POLR2B: variants seen among roughly 807,000 people sequenced by gnomAD.
The protein encoded by POLR2B is RNA polymerase II subunit B, also known as DNA-directed RNA polymerase II subunit RPB2.
A neutral mutation model predicts 144.6 loss-of-function variants in POLR2B; 57 were observed. The observed-to-expected ratio is 0.39, with a 90% CI of 0.32 to 0.49. POLR2B has a LOEUF of 0.49. Ranked by LOEUF, POLR2B falls within the 20% of genes least tolerant of loss-of-function variation. The pLI is 0.83. For synonymous variants in POLR2B, 442 were observed against 469.8 expected, an observed-to-expected ratio of 0.94 and a Z score of 0.77; for missense variants, 595 against 1,467.4, an observed-to-expected ratio of 0.41 and a Z score of 9.71.
intron 1 of POLR2B, among the ~76,000 whole-genome samples, chr4:56,984,940 G>A (rs1470987566): frequency 2.0e-5 from 3 of 152,056 alleles, no homozygotes; most frequent in Non-Finnish European, 2.9e-5. Flanking sequence ...AAATTATTTT[G>A]TTATGTTCAT....
chr4:57,011,300 C>T (rs932757053), intron 13 of POLR2B, among the ~76,000 whole-genome samples, 200 bp downstream of exon 13: 2 of 152,002 alleles, frequency 1.3e-5, no homozygotes, highest in African/African-American at 2.4e-5. Context: ...GAGGCCGAGG[C>T]GCAGATCACC....
intron 1 of POLR2B, among the ~76,000 whole-genome samples, chr4:56,983,952 C>T (rs543155511): frequency 4.6e-5 from 7 of 151,860 alleles, no homozygotes; most frequent in African/African-American, 9.7e-5. Flanking sequence ...GCAACCTCCA[C>T]CTTCTGGGTT....
chr4:57,024,269 T>G (rs1723642301), intron 21 of POLR2B, among the ~76,000 whole-genome samples, 157 bp downstream of exon 21: 2 of 152,230 alleles, frequency 1.3e-5, no homozygotes, highest in African/African-American at 4.8e-5. Flanking sequence ...TGCCATTTTT[T>G]TTGGCAATTT....
Position 56,994,761 on chromosome 4 carries a change from G to T in POLR2B, c.471G>T (p.Arg157=), listed in dbSNP as rs757867254. ...TAGGAAAAATTCCAATTATGTTGCG[G>T]TCAACTTACTGCCTTTTGAATGGCT... ...TFIGKIPIML[R]STYCLLNGLT... is the part of the protein sequence containing the mutation. Residue 157 remains arginine (R), a synonymous_variant, in exon 5 of 25, where the codon CGG becomes CGT. Coordinates refer to ENST00000314595, the MANE Select transcript of POLR2B (RefSeq NM_000938.3). The T allele has an allele frequency of 2.5e-6, 4 of 1,613,372 alleles. No individual in the cohort carries two copies. The African/African-American group carries it at 4.0e-5, about 16-fold the overall frequency.
intron 21 of POLR2B, 130 bp from the exon 22 acceptor site, chr4:57,024,755 TA>T (rs1723661070): frequency 1.7e-6 from 1 of 586,728 alleles, no homozygotes; most frequent in Non-Finnish European, 3.0e-6. Flanking sequence ...CTTTGAATTT[TA>T]AAATACTTAA....
chr4:57,014,526 G>C (rs1426968303), intron 13 of POLR2B, among the ~76,000 whole-genome samples: 13 of 79,040 alleles, frequency 1.6e-4, no homozygotes, highest in African/African-American at 6.2e-4. Context: ...TTTTTGAGAC[G>C]GAGTCTTGCT....
intron 16 of POLR2B, among the ~76,000 whole-genome samples, chr4:57,019,702 G>C (rs954510886): frequency 6.7e-6 from 1 of 148,498 alleles, no homozygotes; most frequent in Non-Finnish European, 1.5e-5. Context: ...GGGTAACATT[G>C]ATATCCATAT....
intron 7 of POLR2B, among the ~76,000 whole-genome samples, chr4:57,003,399 C>T (rs1269699851): frequency 6.6e-6 from 1 of 150,530 alleles, no homozygotes; most frequent in Non-Finnish European, 1.5e-5. Context: ...CACTGCACTC[C>T]AGCCTGTGTG....
At position 57,012,837 on chromosome 4, in the gene POLR2B, G is replaced by T. The variant is rs535072133; in HGVS notation, c.1800+1737G>T. Among the ~76,000 whole-genome samples, 19 of 151,936 alleles carry T rather than the reference G, an allele frequency of 1.3e-4. No homozygotes were observed. In the South Asian group the frequency reaches 1.5e-3, roughly 12 times the overall value. The stretch of plus-strand genomic sequence containing the variant: ...GTACCACCATGCCCGGCTAATTTTT[G>T]TATTTCTATTTTTATTTTTTTGAGG... On this transcript the variant is annotated intron_variant, in intron 13 of 24. Coordinates refer to ENST00000314595, the MANE Select transcript of POLR2B (RefSeq NM_000938.3).
In POLR2B at chr4:57,023,666, G is replaced by A. The variant is rs373888289; in HGVS notation, c.2771G>A (p.Arg924His). The change falls in exon 20 of 25, where the codon CGC becomes CAC. Residue 924 changes from arginine (R) to histidine (H), a missense_variant. By Grantham distance (29) the Arg-to-His change is conservative. Transcript: ENST00000314595. The surrounding 1 kb of genome is among the most constrained non-coding windows in gnomAD (Gnocchi z 4.3). ...CTTATTTTTATATGAATTTAGGTACGCTCTGTTAGGATTCCACAGATTGGA... is the reference window on the plus strand; with the variant it reads ...CTTATTTTTATATGAATTTAGGTACACTCTGTTAGGATTCCACAGATTGGA... ...EGYKFCKIRV[R>H]SVRIPQIGDK... 4 of 1,611,702 alleles carry A rather than the reference G, an allele frequency of 2.5e-6. No homozygotes were observed. The highest frequency in any genetic ancestry group is 1.7e-5 in the Admixed American group (1 of 59,856).
Position 57,006,924 on chromosome 4 carries a change from T to C in POLR2B, c.1326T>C (p.Asp442=). ...ELAIKTRIIS[D]GLKYSLATGN... is the part of the protein sequence containing the mutation. ...CAATTAAAACACGGATCATATCTGA[T>C]GGCCTAAAATACTCTTTAGCTACTG... is the stretch of plus-strand genomic sequence containing the variant. The change falls in exon 10 of 25, where the codon GAT becomes GAC. Residue 442 remains aspartate (D), a synonymous_variant. Transcript: ENST00000314595. 1 of 1,613,584 alleles carries C rather than the reference T, an allele frequency of 6.2e-7. No homozygotes were observed.
chr4:57,005,510 T>G, intron 8 of POLR2B, 68 bp downstream of exon 8: 1 of 1,493,446 alleles, frequency 6.7e-7, no homozygotes, highest in Non-Finnish European at 9.0e-7. Context: ...TTTCTTAGAG[T>G]CAAAAATGAT....
chr4:57,026,137 C>T (rs1254458240), intron 23 of POLR2B, among the ~76,000 whole-genome samples: 1 of 152,072 alleles, frequency 6.6e-6, no homozygotes, highest in Non-Finnish European at 1.5e-5. Flanking sequence ...ACTCGGGAGG[C>T]TGAGGCATGA....
At chr4:57,015,142 T>A (rs1723326123) in intron 13 of POLR2B, among the ~76,000 whole-genome samples, 1 of 152,198 alleles carries the variant, frequency 6.6e-6, no homozygotes, top group Admixed American at 6.5e-5. Flanking sequence ...GATATAGGGC[T>A]GGTTTTTGAA....
chr4:56,987,305 A>G (rs1363399116), intron 2 of POLR2B, among the ~76,000 whole-genome samples: 1 of 152,226 alleles, frequency 6.6e-6, no homozygotes, highest in East Asian at 1.9e-4. Context: ...GTGTAACTAA[A>G]TGTAATAAAA....
At chr4:56,992,361 A>G (rs1350871430) in intron 3 of POLR2B, among the ~76,000 whole-genome samples, 1 of 137,376 alleles carries the variant, frequency 7.3e-6, no homozygotes, top group Non-Finnish European at 1.5e-5. Context: ...GCTACTAGGG[A>G]GGCTGAGACA....
chr4:57,013,120 C>T (rs1279660727), intron 13 of POLR2B, among the ~76,000 whole-genome samples: 6 of 152,126 alleles, frequency 3.9e-5, no homozygotes, highest in Non-Finnish European at 8.8e-5. Context: ...GGATTATAGA[C>T]GTGAGCCACT....
Position 57,023,279 on chromosome 4 carries a change from T to G in POLR2B, c.2516-51T>G. 3 of 1,598,838 alleles carry G rather than the reference T, an allele frequency of 1.9e-6. No homozygotes were observed. The highest frequency in any genetic ancestry group is 2.6e-6 in the Non-Finnish European group (3 of 1,170,010). ...CTTGGAACTGATTCATGTATGTGGT[T>G]TTTAATCTTTGTTGGGGATTATGTG... On this transcript the variant is annotated intron_variant, in intron 18 of 24. Coordinates refer to ENST00000314595, the MANE Select transcript of POLR2B (RefSeq NM_000938.3). This position sits in a 1 kb window ranked among gnomAD's most constrained non-coding sequence, Gnocchi z 4.3.
rs570185086 is a variant in POLR2B, at chr4:57,005,829, T to C, written c.1217+110T>C. The C allele has an allele frequency of 6.6e-5, 62 of 934,682 alleles. No homozygotes were observed. The Middle Eastern group carries it at 6.8e-4, about 10-fold the overall frequency. 57.9% of individuals were successfully genotyped at this position (934,682 alleles called of 1,614,324 possible). On this transcript the variant is annotated intron_variant, in intron 9 of 24. Coordinates refer to ENST00000314595, the MANE Select transcript of POLR2B (RefSeq NM_000938.3). ...TGTTGGCATCCACGTTGGGTACTTATGAAATTAGCTACATTCTTATTGCTA... is the reference window on the plus strand; with the variant it reads ...TGTTGGCATCCACGTTGGGTACTTACGAAATTAGCTACATTCTTATTGCTA...
Sources: allele counts gnomAD v4.1 joint callset (sites outside exome capture counted in the v4.1 genomes callset), GRCh38; gene constraint gnomAD v4.1.1; non-coding constraint Gnocchi (gnomAD v3.1); transcripts MANE v1.5; gene names NCBI Gene and HGNC (gene_info 2026-07-23, HGNC 2026-07-21).